Variants in KLHL33 observed in about 807,000 individuals in gnomAD.
The protein encoded by KLHL33 is kelch like family member 33.
KLHL33 carries 46 observed loss-of-function variants against 60.8 expected under a neutral mutation model. The observed-to-expected ratio is 0.76, with a 90% CI of 0.60 to 0.97. The LOEUF (loss-of-function observed/expected upper bound fraction) is 0.97, where lower values mean the gene tolerates loss of function less well. Ranked by LOEUF, KLHL33 falls within the 50% of genes least tolerant of loss-of-function variation. The pLI, the probability that KLHL33 is intolerant of heterozygous loss-of-function variation, is 0.00. For synonymous variants in KLHL33, 434 were observed against 432.2 expected (o/e 1.00, Z -0.05); for missense variants, 1,055 against 1,000.0 (o/e 1.05, Z -0.74).
Position 20,428,902 on chromosome 14 carries a change from C to T in KLHL33, c.2341G>A (p.Val781Met), listed in dbSNP as rs1009432349. 2.6e-6 allele frequency: 4 copies of T among 1,551,750 alleles called. No homozygotes were observed. Among genetic ancestry groups the T allele is most frequent in the East Asian group, 4.9e-5 (2 of 40,928 alleles). Residue 781 changes from valine (V) to methionine (M), a missense_variant, in exon 5 of 5, where the codon GTG becomes ATG. Transcript: ENST00000636854. Reference protein sequence around the residue: ...MPACILTLPAVQHIALVPTPH... With the variant: ...MPACILTLPAMQHIALVPTPH... ...GTGGGAACCAAAGCTATGTGCTGCA[C>T]AGCGGGCAGTGTCAGGATGCAGGCA...
In KLHL33 at chr14:20,435,187, C is replaced by G. The variant is rs747572767; in HGVS notation, c.625G>C (p.Glu209Gln). ...GCCTGGCTGGGCTTCTTTACATCTT[C>G]CCTGGCATTTCCAGCCCTCTCGCAT... ...QTCERAGNAREDVKKPSQAEE... is the reference protein window; with the variant it reads ...QTCERAGNARQDVKKPSQAEE... Residue 209 changes from glutamate to glutamine, a missense_variant, in exon 2 of 5, where the codon GAA (glutamate) becomes CAA (glutamine). Transcript: ENST00000636854. The G allele has an allele frequency of 1.6e-6, 2 of 1,234,346 alleles. No homozygotes were observed. Among genetic ancestry groups the G allele is most frequent in the Non-Finnish European group, 2.0e-6 (2 of 988,206 alleles). The allele number at this position is 1,234,346 out of a possible 1,614,324, so 76.5% of individuals were successfully genotyped here.
chr14:20,427,140 A>C lies in KLHL33; in HGVS notation c.*1709T>G, dbSNP rs968998974. 1 of 151,646 alleles carries C rather than the reference A, an allele frequency of 6.6e-6. No individual in the cohort carries two copies. The highest frequency in any genetic ancestry group is 2.4e-5 in the African/African-American group (1 of 41,262). 9.4% of individuals were successfully genotyped at this position (151,646 alleles called of 1,614,324 possible). Reference sequence around the variant, plus strand: ...ATGGCACATGTATACATATGTAACTAACCTGCACATTGGGCACATGTACCC... The same window carrying C: ...ATGGCACATGTATACATATGTAACTCACCTGCACATTGGGCACATGTACCC... On this transcript the variant is annotated 3_prime_UTR_variant, in exon 5 of 5. Transcript: ENST00000636854.
chr14:20,432,818 A>G (rs1880549294), intron 2 of KLHL33, among the ~76,000 whole-genome samples: 1 of 151,940 alleles, frequency 6.6e-6, no homozygotes, highest in Non-Finnish European at 1.5e-5. Context: ...GTTACTCGGG[A>G]GGCTGAGGCA....
chr14:20,435,106 C>T lies in KLHL33; in HGVS notation c.706G>A (p.Gly236Arg), dbSNP rs1355790361. ...GIELLYREGVGCDLKLEAGGC... is the reference protein window; with the variant it reads ...GIELLYREGVRCDLKLEAGGC... Reference sequence around the variant, plus strand: ...CCTGCCTCCAGCTTCAAGTCACACCCGACGCCCTCTCGGTAGAGGAGCTCG... The same window carrying T: ...CCTGCCTCCAGCTTCAAGTCACACCTGACGCCCTCTCGGTAGAGGAGCTCG... The change falls in exon 2 of 5, where the codon GGG becomes AGG. Residue 236 changes from glycine to arginine, a missense_variant. Transcript: ENST00000636854. 8.1e-7 allele frequency: 1 copy of T among 1,234,530 alleles called. No homozygotes were observed. Among genetic ancestry groups the T allele is most frequent in the South Asian group, 4.1e-5 (1 of 24,418 alleles). The allele number at this position is 1,234,530 out of a possible 1,614,324, so 76.5% of individuals were successfully genotyped here.
In KLHL33 at chr14:20,429,925, C is replaced by T; in HGVS notation, c.1543G>A (p.Gly515Arg). 1.3e-6 allele frequency: 2 copies of T among 1,551,772 alleles called. No individual in the cohort carries two copies. The highest frequency in any genetic ancestry group is 1.2e-5 in the South Asian group (1 of 84,062). Residue 515 changes from glycine to arginine, a missense_variant, in exon 3 of 5, where the codon GGG becomes AGG. Physicochemically the swap from Gly to Arg is moderately radical, Grantham distance 125. Transcript: ENST00000636854. ...GVGLVRTVEW[G>R]QLPALPAPGR... is the part of the protein sequence containing the mutation. ...GGGGCAGGCAGGGCAGGCAGCTGCC[C>T]CCACTCAACAGTTCGTACCAGTCCC...
chr14:20,429,391 C>A lies in KLHL33; in HGVS notation c.1852G>T (p.Ala618Ser). 1 of 1,551,730 alleles carries A rather than the reference C, an allele frequency of 6.4e-7. No homozygotes were observed. The highest frequency in any genetic ancestry group is 8.7e-7 in the Non-Finnish European group (1 of 1,146,948). The change falls in exon 5 of 5, where the codon GCA (alanine) becomes TCA (serine). Residue 618 changes from alanine to serine, a missense_variant. Transcript: ENST00000636854. ...TGGGCAAAACATGGTGCTGGAAGTGCAGGTGCTGGCCTAAGGGAGAACAGG... is the reference window on the plus strand; with the variant it reads ...TGGGCAAAACATGGTGCTGGAAGTGAAGGTGCTGGCCTAAGGGAGAACAGG... ...PELNVWRPAP[A>S]LPAPCFAHAA...
intron 2 of KLHL33, among the ~76,000 whole-genome samples, chr14:20,432,731 A>G (rs1027559719): frequency 8.6e-5 from 13 of 151,930 alleles, no homozygotes; most frequent in Admixed American, 7.9e-4. Context: ...AGACCAGACC[A>G]GCCAACATGG....
rs1415607361 is a variant in KLHL33 at position 20,429,451 on chromosome 14, C to T, written c.1842-50G>A. ...AAGGCAACTAGCATCTTCAACTCTC[C>T]TTCTATTCCAAGTCTCCTAATCTCT... On this transcript the variant is annotated intron_variant, in intron 4 of 4. Coordinates refer to ENST00000636854, the MANE Select transcript of KLHL33 (RefSeq NM_001365790.2). 5.8e-6 allele frequency: 9 copies of T among 1,550,154 alleles called. No homozygotes were observed. In the South Asian group the frequency reaches 9.5e-5, roughly 16 times the overall value.
In KLHL33 at chr14:20,435,841, G is replaced by A; in HGVS notation, c.-19-11C>T. 2 of 1,233,486 alleles carry A rather than the reference G, an allele frequency of 1.6e-6. No homozygotes were observed. Among genetic ancestry groups the A allele is most frequent in the Non-Finnish European group, 2.0e-6 (2 of 988,228 alleles). 76.4% of individuals were successfully genotyped at this position (1,233,486 alleles called of 1,614,324 possible). On this transcript the variant is annotated splice_polypyrimidine_tract_variant and intron_variant, in intron 1 of 4. Coordinates refer to ENST00000636854, the MANE Select transcript of KLHL33 (RefSeq NM_001365790.2). The stretch of plus-strand genomic sequence containing the variant: ...AGGTTTGCTGGATAGCTGCAGGTGA[G>A]CAGAGGCAAGACAGCCTGGCGTCAG...
At position 20,435,094 on chromosome 14, in the gene KLHL33, T is replaced by G. The variant is rs1037082264; in HGVS notation, c.718A>C (p.Lys240Gln). ...LYREGVGCDL[K>Q]LEAGGCQLSV... ...AGCTGGCAGCCGCCTGCCTCCAGCTTCAAGTCACACCCGACGCCCTCTCGG... is the reference window on the plus strand; with the variant it reads ...AGCTGGCAGCCGCCTGCCTCCAGCTGCAAGTCACACCCGACGCCCTCTCGG... The change falls in exon 2 of 5, where the codon AAG becomes CAG. Residue 240 changes from lysine to glutamine, a missense_variant. By Grantham distance (53) the Lys-to-Gln change is moderately conservative. Coordinates refer to ENST00000636854, the MANE Select transcript of KLHL33 (RefSeq NM_001365790.2). The G allele has an allele frequency of 3.2e-5, 39 of 1,234,406 alleles. No homozygotes were observed. Among genetic ancestry groups the G allele is most frequent in the Admixed American group, 1.7e-4 (4 of 23,708 alleles). The allele number at this position is 1,234,406 out of a possible 1,614,324, so 76.5% of individuals were successfully genotyped here. A position where few individuals can be genotyped will look rare whatever the true frequency, so the allele number is the denominator to read the frequency against.
chr14:20,427,721 CT>C lies in KLHL33; in HGVS notation c.*1127del, dbSNP rs1468561685. On this transcript the variant is annotated 3_prime_UTR_variant, in exon 5 of 5. Transcript: ENST00000636854. Reference sequence around the variant, plus strand: ...GTCAGGAGCTCTCTGACCTCTGTATCTTGGTGCCTCCTACAGTGCCTGCCAC... The same window carrying C: ...GTCAGGAGCTCTCTGACCTCTGTATCTGGTGCCTCCTACAGTGCCTGCCAC... The C allele has an allele frequency of 6.6e-6, 1 of 152,138 alleles. No homozygotes were observed. Among genetic ancestry groups the C allele is most frequent in the African/African-American group, 2.4e-5 (1 of 41,390 alleles). 9.4% of individuals were successfully genotyped at this position (152,138 alleles called of 1,614,324 possible).
At chr14:20,431,242 C>T (rs1324073710) in intron 2 of KLHL33, among the ~76,000 whole-genome samples, 4 of 152,164 alleles carry the variant, frequency 2.6e-5, no homozygotes, top group Non-Finnish European at 5.9e-5. Flanking sequence ...AAAGTGGCAC[C>T]ACTCGGGAAT....
At position 20,427,033 on chromosome 14, in the gene KLHL33, T is replaced by G. The variant is rs1490920153; in HGVS notation, c.*1816A>C. The G allele has an allele frequency of 2.9e-5, 2 of 68,566 alleles. No individual in the cohort carries two copies. Among genetic ancestry groups the G allele is most frequent in the Non-Finnish European group, 5.1e-5 (2 of 38,918 alleles). The allele number at this position is 68,566 out of a possible 1,614,324, so 4.2% of individuals were successfully genotyped here. On this transcript the variant is annotated 3_prime_UTR_variant, in exon 5 of 5. Transcript: ENST00000636854. Reference sequence around the variant, plus strand: ...GAACATCACACTCTGGAGAATGTTGTGGGGTGGGGGGAGGGGGGAAGGATA... The same window carrying G: ...GAACATCACACTCTGGAGAATGTTGGGGGGTGGGGGGAGGGGGGAAGGATA...
In KLHL33 at chr14:20,429,860, A is replaced by G. The variant is rs1354357892; in HGVS notation, c.1608T>C (p.Ser536=). The G allele has an allele frequency of 1.3e-6, 2 of 1,551,728 alleles. No homozygotes were observed. Among genetic ancestry groups the G allele is most frequent in the Non-Finnish European group, 1.7e-6 (2 of 1,146,960 alleles). The change falls in exon 3 of 5, where the codon AGT becomes AGC. Residue 536 remains serine (S), a synonymous_variant. Coordinates refer to ENST00000636854, the MANE Select transcript of KLHL33 (RefSeq NM_001365790.2). ...FRHGAASLAG[S]ELYVCGGQDF... The stretch of plus-strand genomic sequence containing the variant: ...CTTGTCCCCCACACACATAGAGTTC[A>G]CTTCCTGCCAGGCTTGCAGCCCCAT...
chr14:20,434,979 G>C, intron 2 of KLHL33, 85 bp downstream of exon 2: 1 of 1,123,390 alleles, frequency 8.9e-7, no homozygotes, highest in Non-Finnish European at 1.1e-6. Flanking sequence ...AACCATCATG[G>C]TGGGGATAAA....
chr14:20,428,402 G>A lies in KLHL33; in HGVS notation c.*447C>T, dbSNP rs903347840. ...AAAGGAGCAAGTTCCAGGAAAAAAA[G>A]GGCTGAACGATTTACAGTCCTTACT... is the stretch of plus-strand genomic sequence containing the variant. On this transcript the variant is annotated 3_prime_UTR_variant, in exon 5 of 5. Coordinates refer to ENST00000636854, the MANE Select transcript of KLHL33 (RefSeq NM_001365790.2). 3.2e-5 allele frequency: 5 copies of A among 156,332 alleles called. No individual in the cohort carries two copies. Among genetic ancestry groups the A allele is most frequent in the African/African-American group, 9.6e-5 (4 of 41,534 alleles). 9.7% of individuals were successfully genotyped at this position (156,332 alleles called of 1,614,324 possible). A position where few individuals can be genotyped will look rare whatever the true frequency, so the allele number is the denominator to read the frequency against.
chr14:20,434,338 C>T (rs1371258743), intron 2 of KLHL33, among the ~76,000 whole-genome samples: 2 of 152,108 alleles, frequency 1.3e-5, no homozygotes, highest in African/African-American at 4.8e-5. Context: ...GAGTTCAAGA[C>T]AAGCCTGGCC....
At position 20,435,419 on chromosome 14, in the gene KLHL33, C is replaced by G; in HGVS notation, c.393G>C (p.Leu131=). 3 of 1,234,386 alleles carry G rather than the reference C, an allele frequency of 2.4e-6. No individual in the cohort carries two copies. The highest frequency in any genetic ancestry group is 3.0e-6 in the Non-Finnish European group (3 of 988,178). 76.5% of individuals were successfully genotyped at this position (1,234,386 alleles called of 1,614,324 possible). A position where few individuals can be genotyped will look rare whatever the true frequency, so the allele number is the denominator to read the frequency against. ...CTCGGAAGAGGCTGCTGATTGCGGCCAGGATCACCCGATGCACCCCGTATA... is the reference window on the plus strand; with the variant it reads ...CTCGGAAGAGGCTGCTGATTGCGGCGAGGATCACCCGATGCACCCCGTATA... The part of the protein sequence containing the change: ...GRVYGVHRVI[L]AAISSLFRDR... The change falls in exon 2 of 5, where the codon CTG becomes CTC. Residue 131 remains leucine, a synonymous_variant. Transcript: ENST00000636854.
chr14:20,433,144 A>G (rs753175737), intron 2 of KLHL33, among the ~76,000 whole-genome samples: 1 of 152,232 alleles, frequency 6.6e-6, no homozygotes, highest in Non-Finnish European at 1.5e-5. Flanking sequence ...AATGTCATGA[A>G]TTTCCTTTAA....
Sources: allele counts gnomAD v4.1 joint callset (sites outside exome capture counted in the v4.1 genomes callset), GRCh38; gene constraint gnomAD v4.1.1; transcripts MANE v1.5; gene names NCBI Gene and HGNC (gene_info 2026-07-23, HGNC 2026-07-21).